ATG2B: variants seen among roughly 807,000 people sequenced by gnomAD.
ATG2B encodes autophagy related 2B.
A neutral mutation model predicts 241.3 loss-of-function variants in ATG2B; 121 were observed. The ratio of observed to expected loss-of-function variants is 0.50; its 90% confidence interval spans 0.43 to 0.58. The LOEUF is 0.58. ATG2B is among the 20% of genes least tolerant of loss of function. ATG2B has a pLI of 0.00. For missense variants in ATG2B, 2,306 were observed against 2,491.6 expected (o/e 0.93, Z 1.59); for synonymous variants, 858 against 876.6 (o/e 0.98, Z 0.37).
At position 96,304,615 on chromosome 14, in the gene ATG2B, C is replaced by CAA. The variant is rs34674555; in HGVS notation, c.4734-14_4734-13dup. On this transcript the variant is annotated splice_polypyrimidine_tract_variant and intron_variant, in intron 31 of 41. Transcript: ENST00000359933. ...AACTGTGGGGACTACTAAAAATGAG[C>CAA]AAAAAAAAAAAAAACCCTTTTGTTA... 0.031 allele frequency: 36,721 copies of CAA among 1,203,624 alleles called. 13 individuals carry two copies. The highest frequency in any genetic ancestry group is 0.036 in the Non-Finnish European group (31,562 of 878,050). The allele number at this position is 1,203,624 out of a possible 1,614,324, so 74.6% of individuals were successfully genotyped here.
rs1417762470 is a variant in ATG2B, at chr14:96,343,148, A to T, written c.715T>A (p.Ser239Thr). ...GGTGCAGTTGAACACACTGGGGAAGATTTGGCTGATGCAGAAAACTCATCC... is the reference window on the plus strand; with the variant it reads ...GGTGCAGTTGAACACACTGGGGAAGTTTTGGCTGATGCAGAAAACTCATCC... ...FWDEFSASAK[S>T]SPVCSTAPVE... The change falls in exon 5 of 42, where the codon TCT becomes ACT. Residue 239 changes from serine (S) to threonine (T), a missense_variant. By Grantham distance (58) the Ser-to-Thr change is moderately conservative (BLOSUM62 1). Transcript: ENST00000359933. The T allele has an allele frequency of 6.2e-7, 1 of 1,603,340 alleles. No individual in the cohort carries two copies. The highest frequency in any genetic ancestry group is 8.5e-7 in the Non-Finnish European group (1 of 1,174,516).
chr14:96,362,521 C>T (rs745788612), intron 1 of ATG2B, among the ~76,000 whole-genome samples: 3 of 152,186 alleles, frequency 2.0e-5, no homozygotes, highest in Non-Finnish European at 2.9e-5. Context: ...CTGGTCACCT[C>T]CTCCCACGGA....
intron 6 of ATG2B, among the ~76,000 whole-genome samples, chr14:96,338,162 T>C (rs1449493458): frequency 6.6e-6 from 1 of 152,168 alleles, no homozygotes; most frequent in Admixed American, 6.6e-5. Flanking sequence ...ACTGAATTCA[T>C]TGATCAGATC....
In ATG2B at chr14:96,333,055, G is replaced by A. The variant is rs548850858; in HGVS notation, c.1208-400C>T. ...TATTCAGAGCCAAAAACATTATTTG[G>A]AATTCCATTTACATTTCAGTTCCTT... On this transcript the variant is annotated intron_variant, in intron 8 of 41. Coordinates refer to ENST00000359933, the MANE Select transcript of ATG2B (RefSeq NM_018036.7). Among the ~76,000 whole-genome samples the A allele has an allele frequency of 7.2e-5, 11 of 152,146 alleles. 1 individual carries two copies. The South Asian group carries it at 2.3e-3, about 32-fold the overall frequency.
At position 96,292,022 on chromosome 14, in the gene ATG2B, T is replaced by C. The variant is rs1166232295; in HGVS notation, c.5496+7A>G. The stretch of plus-strand genomic sequence containing the variant: ...TTTTGTGGAGTATATTTGTAGAGTT[T>C]CCCAACCTGATCCATTGATACATGT... On this transcript the variant is annotated splice_region_variant and intron_variant, in intron 37 of 41. Coordinates refer to ENST00000359933, the MANE Select transcript of ATG2B (RefSeq NM_018036.7). 1 of 1,582,376 alleles carries C rather than the reference T, an allele frequency of 6.3e-7. No individual in the cohort carries two copies. Among genetic ancestry groups the C allele is most frequent in the South Asian group, 1.2e-5 (1 of 85,870 alleles).
At position 96,306,858 on chromosome 14, in the gene ATG2B, A is replaced by C; in HGVS notation, c.4362T>G (p.Phe1454Leu). Reference sequence around the variant, plus strand: ...GGGATACATTCCCACTCTCGTCAGGAAACAGGAAGAGGTCTGAACAACATG... The same window carrying C: ...GGGATACATTCCCACTCTCGTCAGGCAACAGGAAGAGGTCTGAACAACATG... ...QEPCCSDLFL[F>L]PDESGNVSQE... Residue 1454 changes from phenylalanine to leucine, a missense_variant, in exon 30 of 42, where the codon TTT becomes TTG. Phe to Leu is a conservative substitution (Grantham distance 22). Coordinates refer to ENST00000359933, the MANE Select transcript of ATG2B (RefSeq NM_018036.7). The C allele has an allele frequency of 6.2e-7, 1 of 1,614,134 alleles. No individual in the cohort carries two copies. The highest frequency in any genetic ancestry group is 1.1e-5 in the South Asian group (1 of 91,080).
At position 96,311,618 on chromosome 14, in the gene ATG2B, T is replaced by A. The variant is rs1389465897; in HGVS notation, c.3914A>T (p.Asp1305Val). The A allele has an allele frequency of 6.2e-7, 1 of 1,603,038 alleles. No homozygotes were observed. The highest frequency in any genetic ancestry group is 1.3e-5 in the African/African-American group (1 of 74,826). ...CNTVTINLSR[D>V]YVRVMDMGLL... ...CCCCATATCCATCACACGAACATAA[T>A]CTAAAATTTTTAAAATTAAGAAAAT... The change falls in exon 27 of 42, where the codon GAT becomes GTT. Residue 1305 changes from aspartate to valine, a missense_variant and splice_region_variant. This residue lies in a region of ATG2B where 1,927 missense variants were observed against 2,011.2 expected (regional missense o/e 0.96). Coordinates refer to ENST00000359933, the MANE Select transcript of ATG2B (RefSeq NM_018036.7).
At chr14:96,317,368 A>C in intron 19 of ATG2B, 51 bp from the exon 20 acceptor site, 1 of 1,468,598 alleles carries the variant, frequency 6.8e-7, no homozygotes, top group Non-Finnish European at 9.3e-7. Flanking sequence ...TAAAACAGCA[A>C]CATAAAAATG....
At position 96,292,027 on chromosome 14, in the gene ATG2B, A is replaced by G; in HGVS notation, c.5496+2T>C. On this transcript the variant is annotated splice_donor_variant, in intron 37 of 41. Coordinates refer to ENST00000359933, the MANE Select transcript of ATG2B (RefSeq NM_018036.7). LOFTEE classifies it high-confidence loss of function. ...TGGAGTATATTTGTAGAGTTTCCCA[A>G]CCTGATCCATTGATACATGTTTGCC... 3.2e-6 allele frequency: 5 copies of G among 1,587,074 alleles called. No individual in the cohort carries two copies. Among genetic ancestry groups the G allele is most frequent in the South Asian group, 1.2e-5 (1 of 86,484 alleles).
intron 35 of ATG2B, 86 bp downstream of exon 35, chr14:96,295,396 G>C: frequency 1.0e-6 from 1 of 957,610 alleles, no homozygotes; most frequent in Admixed American, 2.6e-5. Flanking sequence ...AATAAATATT[G>C]TAAGTACATT....
intron 1 of ATG2B, among the ~76,000 whole-genome samples, chr14:96,358,029 G>A (rs1888524850): frequency 6.6e-6 from 1 of 152,242 alleles, no homozygotes; most frequent in Admixed American, 6.5e-5. Flanking sequence ...AACGGGACTT[G>A]ATGGAACTCT....
rs1595286879 is a variant in ATG2B at position 96,284,340 on chromosome 14, C to T, written c.*1415G>A. ...AACTAAAATTAAAAGCTATATAACC[C>T]CATTTTTATAAATTCTAAACATTTT... On this transcript the variant is annotated 3_prime_UTR_variant, in exon 42 of 42. Transcript: ENST00000359933. 1 of 152,090 alleles carries T rather than the reference C, an allele frequency of 6.6e-6. No homozygotes were observed. Among genetic ancestry groups the T allele is most frequent in the Non-Finnish European group, 1.5e-5 (1 of 68,018 alleles). The allele number at this position is 152,090 out of a possible 1,614,324, so 9.4% of individuals were successfully genotyped here.
At chr14:96,349,655 G>A (rs561777869) in intron 1 of ATG2B, among the ~76,000 whole-genome samples, 1 of 152,362 alleles carries the variant, frequency 6.6e-6, no homozygotes, top group South Asian at 2.1e-4. Context: ...TGACACTTAG[G>A]AGGCTGGCTT....
Position 96,306,740 on chromosome 14 carries a change from G to C in ATG2B, c.4480C>G (p.Leu1494Val). ...VPTENDDFCI[L>V]FAPKAAMQEK... is the part of the protein sequence containing the mutation. ...TGCATGGCTGCTTTTGGTGCAAAAAGAATGCAAAAGTCATCATTCTCAGTG... is the reference window on the plus strand; with the variant it reads ...TGCATGGCTGCTTTTGGTGCAAAAACAATGCAAAAGTCATCATTCTCAGTG... Residue 1494 changes from leucine to valine, a missense_variant, in exon 30 of 42, where the codon CTT becomes GTT. Physicochemically the swap from Leu to Val is conservative, Grantham distance 32. Coordinates refer to ENST00000359933, the MANE Select transcript of ATG2B (RefSeq NM_018036.7). 6.2e-7 allele frequency: 1 copy of C among 1,613,684 alleles called. No individual in the cohort carries two copies. Among genetic ancestry groups the C allele is most frequent in the Non-Finnish European group, 8.5e-7 (1 of 1,179,798 alleles).
Position 96,341,668 on chromosome 14 carries a change from G to C in ATG2B, c.778C>G (p.Pro260Ala). 1.3e-6 allele frequency: 2 copies of C among 1,587,290 alleles called. No individual in the cohort carries two copies. The highest frequency in any genetic ancestry group is 1.7e-6 in the Non-Finnish European group (2 of 1,164,430). ...TEPKLSPSWN[P>A]KIIYEPHPQL... ...GGGTGTGGCTCATAAATAATTTTGGGGTTCCAGCTAGGTGAGAGCTTTGGC... is the reference window on the plus strand; with the variant it reads ...GGGTGTGGCTCATAAATAATTTTGGCGTTCCAGCTAGGTGAGAGCTTTGGC... The change falls in exon 6 of 42, where the codon CCC (proline) becomes GCC (alanine). Residue 260 changes from proline (P) to alanine (A), a missense_variant. Physicochemically the swap from Pro to Ala is conservative, Grantham distance 27. This residue lies in a region of ATG2B where 1,927 missense variants were observed against 2,011.2 expected (regional missense o/e 0.96). Coordinates refer to ENST00000359933, the MANE Select transcript of ATG2B (RefSeq NM_018036.7).
At chr14:96,328,559 G>T (rs756493655) in intron 13 of ATG2B, 24 bp from the exon 14 acceptor site, 3 of 1,562,294 alleles carry the variant, frequency 1.9e-6, no homozygotes, top group Non-Finnish European at 2.6e-6. Flanking sequence ...AAAAGAAAAG[G>T]CATTAATACA....
chr14:96,340,110 G>GATATATATGAAT lies in ATG2B; in HGVS notation c.924+1400_924+1411dup, dbSNP rs1261753536. Among the ~76,000 whole-genome samples the GATATATATGAAT allele has an allele frequency of 2.2e-4, 5 of 22,232 alleles. 1 individual carries two copies. The highest frequency in any genetic ancestry group is 3.3e-4 in the Admixed American group (1 of 3,006). The allele number at this position is 22,232 out of a possible 152,430, so 14.6% of individuals were successfully genotyped here. On this transcript the variant is annotated intron_variant, in intron 6 of 41. Transcript: ENST00000359933. Reference sequence around the variant, plus strand: ...TGAATATATGCTATATAGAATATATGATATATATGAATATATATATCATAT... The same window carrying GATATATATGAAT: ...TGAATATATGCTATATAGAATATATGATATATATGAATATATATATGAATATATATATCATAT...
intron 41 of ATG2B, among the ~76,000 whole-genome samples, chr14:96,287,782 TA>T (rs1279333463): frequency 6.6e-6 from 1 of 152,214 alleles, no homozygotes; most frequent in African/African-American, 2.4e-5. Flanking sequence ...TGGTCTCTGT[TA>T]TTTATTTTTT....
rs551139387 is a variant in ATG2B at position 96,285,421 on chromosome 14, C to T, written c.*334G>A. 7.2e-4 allele frequency: 189 copies of T among 263,076 alleles called. No homozygotes were observed. Among genetic ancestry groups the T allele is most frequent in the African/African-American group, 3.9e-3 (178 of 46,118 alleles). 16.3% of individuals were successfully genotyped at this position (263,076 alleles called of 1,614,324 possible). On this transcript the variant is annotated 3_prime_UTR_variant, in exon 42 of 42. Transcript: ENST00000359933. This position sits in a 1 kb window ranked among gnomAD's most constrained non-coding sequence, Gnocchi z 4.2. ...AAGAAAATCCAACTCCACAGAGCTA[C>T]ACAAAGTGTTAGAAGGCAGCTTCCA...
Sources: gnomAD v4.1 joint callset for allele counts (sites outside exome capture counted in the v4.1 genomes callset) on GRCh38, gnomAD v4.1.1 for gene constraint, gnomAD v4.1.1 regional missense constraint, Gnocchi (gnomAD v3.1) non-coding constraint, MANE v1.5 for transcripts, NCBI Gene and HGNC (gene_info 2026-07-23, HGNC 2026-07-21) for gene names.